REC114: variants seen among roughly 807,000 people sequenced by gnomAD.
The protein encoded by REC114 is REC114 meiotic recombination protein, also known as meiotic recombination protein REC114.
In REC114, 27 loss-of-function variants were observed where a neutral mutation model predicts 31.3. That is an observed-to-expected ratio of 0.86 (90% CI 0.64 to 1.19). REC114 has a LOEUF of 1.19. REC114 is among the 50% of genes most tolerant of loss of function. The pLI, the probability that REC114 is intolerant of heterozygous loss-of-function variation, is 0.00. For missense variants in REC114, 344 were observed against 326.9 expected, an observed-to-expected ratio of 1.05 and a Z score of -0.40; for synonymous variants, 134 against 127.7, an observed-to-expected ratio of 1.05 and a Z score of -0.33.
intron 2 of REC114, among the ~76,000 whole-genome samples, chr15:73,509,416 C>G (rs1034241723): frequency 6.6e-6 from 1 of 150,696 alleles, no homozygotes; most frequent in Non-Finnish European, 1.5e-5. Flanking sequence ...ATGGTAGTTT[C>G]TTTTGCTGTG....
At chr15:73,477,363 T>C (rs996817091) in intron 2 of REC114, among the ~76,000 whole-genome samples, 1 of 152,212 alleles carries the variant, frequency 6.6e-6, no homozygotes, top group Non-Finnish European at 1.5e-5. Flanking sequence ...TTTTTTTCTC[T>C]TATGGTTTAT....
chr15:73,472,481 C>T (rs140057102), intron 1 of REC114, among the ~76,000 whole-genome samples: 10 of 152,264 alleles, frequency 6.6e-5, no homozygotes, highest in South Asian at 2.1e-4. Flanking sequence ...CCAAACCCCA[C>T]GTATGAAACT....
intron 2 of REC114, among the ~76,000 whole-genome samples, chr15:73,480,838 C>T (rs1376856716): frequency 6.6e-6 from 1 of 152,108 alleles, no homozygotes; most frequent in East Asian, 1.9e-4. Context: ...CCACCACACC[C>T]AGCTAACTTT....
intron 2 of REC114, among the ~76,000 whole-genome samples, chr15:73,501,028 G>A (rs1893597771): frequency 6.6e-6 from 1 of 152,076 alleles, no homozygotes; most frequent in African/African-American, 2.4e-5. Flanking sequence ...TGGCTCAAAG[G>A]CCTTGTTTGG....
chr15:73,475,017 G>A (rs972166257), intron 2 of REC114, among the ~76,000 whole-genome samples: 1 of 152,116 alleles, frequency 6.6e-6, no homozygotes, highest in African/African-American at 2.4e-5. Context: ...AGAGATAAAG[G>A]TTTCTTCAGC....
chr15:73,546,139 A>G (rs890484580), intron 3 of REC114, among the ~76,000 whole-genome samples: 1 of 152,224 alleles, frequency 6.6e-6, no homozygotes, highest in Admixed American at 6.5e-5. Context: ...ACCAATAAGC[A>G]TAAGAAAGAT....
At chr15:73,464,023 A>G (rs1216448775) in intron 1 of REC114, among the ~76,000 whole-genome samples, 2 of 152,118 alleles carry the variant, frequency 1.3e-5, no homozygotes, top group Admixed American at 6.6e-5. Flanking sequence ...CTGCAGTTGT[A>G]GAATATTTCA....
intron 2 of REC114, among the ~76,000 whole-genome samples, chr15:73,534,297 A>G (rs1188369148): frequency 6.6e-6 from 1 of 152,134 alleles, no homozygotes; most frequent in Non-Finnish European, 1.5e-5. Flanking sequence ...CAAGACTAAT[A>G]AAAAAAGAGA....
intron 1 of REC114, 133 bp downstream of exon 1, chr15:73,443,477 A>G: frequency 9.2e-7 from 1 of 1,081,900 alleles, no homozygotes; most frequent in Middle Eastern, 3.1e-4. Context: ...CTGTTGGGGA[A>G]TGGACAGGCC....
Position 73,483,383 on chromosome 15 carries a change from G to C in REC114, c.249+9462G>C, listed in dbSNP as rs148846322. ...CTTCTCAGTCAGGACTTGGCAATGG[G>C]CTGCTCCATCAAAAAGATGTGCTCA... On this transcript the variant is annotated intron_variant, in intron 2 of 5. Coordinates refer to ENST00000331090, the MANE Select transcript of REC114 (RefSeq NM_001042367.2). The C allele has an allele frequency of 8.8e-3, 1,352 of 152,870 alleles. 10 individuals carry two copies. The highest frequency in any genetic ancestry group is 0.015 in the Admixed American group (225 of 15,298). 9.5% of individuals were successfully genotyped at this position (152,870 alleles called of 1,614,324 possible).
intron 3 of REC114, among the ~76,000 whole-genome samples, chr15:73,542,960 T>TA (rs1374078230): frequency 1.0e-3 from 156 of 149,278 alleles, no homozygotes; most frequent in African/African-American, 3.3e-3. Flanking sequence ...TTTTTTTTTT[T>TA]TTATATAAAT....
chr15:73,443,452 G>T (rs1219894420), intron 1 of REC114, 108 bp downstream of exon 1: 13 of 1,297,328 alleles, frequency 1.0e-5, no homozygotes, highest in Non-Finnish European at 1.2e-5. Context: ...AGGGGACACC[G>T]AGTGACTGCC....
intron 2 of REC114, among the ~76,000 whole-genome samples, chr15:73,531,997 TTA>T (rs201995397): frequency 0.024 from 3,361 of 137,836 alleles, 132 homozygotes; most frequent in African/African-American, 0.085. Flanking sequence ...TTTTTTTTTT[TTA>T]ATACTTTAAG....
chr15:73,466,715 C>T (rs1226977288), intron 1 of REC114, among the ~76,000 whole-genome samples: 3 of 152,158 alleles, frequency 2.0e-5, no homozygotes, highest in South Asian at 2.1e-4. Flanking sequence ...AGATATTGTT[C>T]AAATTTAGTA....
intron 1 of REC114, among the ~76,000 whole-genome samples, chr15:73,448,735 C>T (rs1027288777): frequency 6.6e-6 from 1 of 152,114 alleles, no homozygotes; most frequent in African/African-American, 2.4e-5. Flanking sequence ...CGACAGACAC[C>T]TCATATAGGA....
rs368923371 is a variant in REC114 at position 73,523,317 on chromosome 15, CA to C, written c.250-17157del. 8.7e-3 allele frequency among the ~76,000 whole-genome samples: 1,204 copies of C among 138,090 alleles called. 7 individuals are homozygous for C. Among genetic ancestry groups the C allele is most frequent in the African/African-American group, 0.022 (839 of 37,772 alleles). 90.6% of individuals were successfully genotyped at this position (138,090 alleles called of 152,430 possible). ...ACATGATGGAAGAAGATTTATAGACCAAAAAAAAAAAGGGGGAAATGAGGTA... is the reference window on the plus strand; with the variant it reads ...ACATGATGGAAGAAGATTTATAGACCAAAAAAAAAAGGGGGAAATGAGGTA... On this transcript the variant is annotated intron_variant, in intron 2 of 5. Coordinates refer to ENST00000331090, the MANE Select transcript of REC114 (RefSeq NM_001042367.2).
At chr15:73,534,135 A>G (rs1241479696) in intron 2 of REC114, among the ~76,000 whole-genome samples, 1 of 149,994 alleles carries the variant, frequency 6.7e-6, no homozygotes, top group Non-Finnish European at 1.5e-5. Flanking sequence ...GAACTAGAGA[A>G]GCAAGAGCAA....
chr15:73,536,789 GAT>G (rs1894162192), intron 2 of REC114, among the ~76,000 whole-genome samples: 1 of 152,186 alleles, frequency 6.6e-6, no homozygotes, highest in South Asian at 2.1e-4. Context: ...TATATCATTG[GAT>G]AGGTAATAGA....
chr15:73,488,130 C>T (rs930070363), intron 2 of REC114, among the ~76,000 whole-genome samples: 1 of 152,206 alleles, frequency 6.6e-6, no homozygotes, highest in South Asian at 2.1e-4. Flanking sequence ...GCAGTGAGCA[C>T]CAAGGTCAAT....
Sources: allele counts gnomAD v4.1 joint callset (sites outside exome capture counted in the v4.1 genomes callset), GRCh38; gene constraint gnomAD v4.1.1; transcripts MANE v1.5; gene names NCBI Gene and HGNC (gene_info 2026-07-23, HGNC 2026-07-21).